The following ARL8B variants were observed in gnomAD, a reference collection of about 807,000 sequenced individuals.
The protein encoded by ARL8B is ARF like GTPase 8B.
In ARL8B, 9 loss-of-function variants were observed where a neutral mutation model predicts 30.6. The observed-to-expected ratio is 0.29, with a 90% CI of 0.18 to 0.51. The LOEUF (loss-of-function observed/expected upper bound fraction) is 0.51, where lower values mean the gene tolerates loss of function less well. Among genes scored for constraint, ARL8B ranks in the 20% least tolerant of loss-of-function variants. The pLI is 0.97. For missense variants in ARL8B, 130 were observed against 227.2 expected (o/e 0.57, Z 2.75); for synonymous variants, 74 against 76.0 (o/e 0.97, Z 0.14).
chr3:5,122,860 G>A (rs2054194912), intron 1 of ARL8B, among the ~76,000 whole-genome samples: 2 of 152,250 alleles, frequency 1.3e-5, no homozygotes, highest in South Asian at 2.1e-4. Flanking sequence ...GGCTCGGAAA[G>A]AGTTAAATTG....
chr3:5,131,651 A>G (rs2054284985), intron 1 of ARL8B, among the ~76,000 whole-genome samples: 1 of 152,154 alleles, frequency 6.6e-6, no homozygotes, highest in South Asian at 2.1e-4. Context: ...TCGGCCTCCC[A>G]AAGTGCTGGG....
chr3:5,122,804 A>G (rs980366125), intron 1 of ARL8B, among the ~76,000 whole-genome samples: 1 of 152,224 alleles, frequency 6.6e-6, no homozygotes, highest in African/African-American at 2.4e-5. Flanking sequence ...GGAAGGGTTA[A>G]GTCAGTGTAG....
At chr3:5,145,277 C>T (rs559538395) in intron 1 of ARL8B, among the ~76,000 whole-genome samples, 66 of 152,226 alleles carry the variant, frequency 4.3e-4, no homozygotes, top group African/African-American at 1.3e-3. Flanking sequence ...TTTGTTGTTA[C>T]GACCAAATCT....
intron 1 of ARL8B, among the ~76,000 whole-genome samples, chr3:5,125,831 C>T (rs2054226046): frequency 6.6e-6 from 1 of 152,120 alleles, no homozygotes; most frequent in African/African-American, 2.4e-5. Context: ...CTGTGCCCAG[C>T]CCACTGTTAT....
intron 1 of ARL8B, among the ~76,000 whole-genome samples, chr3:5,142,125 C>T (rs910418638): frequency 2.0e-5 from 3 of 152,136 alleles, no homozygotes; most frequent in African/African-American, 7.2e-5. Flanking sequence ...GACTAAAGCA[C>T]AAGTCCCGGT....
chr3:5,172,703 A>T lies in ARL8B; in HGVS notation c.335A>T (p.His112Leu). 1 of 1,612,210 alleles carries T rather than the reference A, an allele frequency of 6.2e-7. No homozygotes were observed. The highest frequency in any genetic ancestry group is 8.5e-7 in the Non-Finnish European group (1 of 1,178,862). The change falls in exon 4 of 7, where the codon CAT becomes CTT. Residue 112 changes from histidine to leucine, a missense_variant. By Grantham distance (99) the His-to-Leu change is moderately conservative. Coordinates refer to ENST00000256496, the MANE Select transcript of ARL8B (RefSeq NM_018184.3). The stretch of plus-strand genomic sequence containing the variant: ...ATAGAAGCTTCCCGAAATGAGCTAC[A>T]TAATCTTCTAGATAAACCACAGTTA... ...EKIEASRNEL[H>L]NLLDKPQLQG...
At chr3:5,167,232 T>C (rs2106569156) in intron 1 of ARL8B, among the ~76,000 whole-genome samples, 1 of 152,300 alleles carries the variant, frequency 6.6e-6, no homozygotes, top group East Asian at 1.9e-4. Flanking sequence ...CCATCTGCCA[T>C]CACAGAATCA....
chr3:5,169,099 TAAAA>T (rs1294189731), intron 1 of ARL8B, among the ~76,000 whole-genome samples: 2 of 152,168 alleles, frequency 1.3e-5, no homozygotes, highest in African/African-American at 4.8e-5. Flanking sequence ...GTAAAATACA[TAAAA>T]CACAAAGTAT....
At chr3:5,166,327 T>TG (rs1485321074) in intron 1 of ARL8B, among the ~76,000 whole-genome samples, 10 of 143,508 alleles carry the variant, frequency 7.0e-5, no homozygotes, top group African/African-American at 2.6e-4. Context: ...TGTGAGCTGC[T>TG]GCGCCTGGCT....
rs1433471465 is a variant in ARL8B, at chr3:5,122,326, G to A, written c.-140G>A. 19 of 1,526,872 alleles carry A rather than the reference G, an allele frequency of 1.2e-5. No individual in the cohort carries two copies. Among genetic ancestry groups the A allele is most frequent in the Non-Finnish European group, 1.6e-5 (18 of 1,138,288 alleles). 94.6% of individuals were successfully genotyped at this position (1,526,872 alleles called of 1,614,324 possible). A position where few individuals can be genotyped will look rare whatever the true frequency, so the allele number is the denominator to read the frequency against. On this transcript the variant is annotated 5_prime_UTR_variant, in exon 1 of 7. Transcript: ENST00000256496. ...GCTCGGCTTCCTGGGTCTGGCTGCT[G>A]CCGCCCGCCGGTGTCCGCCCGTGTC...
At chr3:5,123,857 C>T (rs1179349421) in intron 1 of ARL8B, among the ~76,000 whole-genome samples, 4 of 152,100 alleles carry the variant, frequency 2.6e-5, no homozygotes, top group African/African-American at 9.7e-5. Flanking sequence ...TGTTCGGCTC[C>T]TTTTCTAGTA....
chr3:5,164,108 T>G (rs1031086668), intron 1 of ARL8B, among the ~76,000 whole-genome samples: 3 of 152,192 alleles, frequency 2.0e-5, no homozygotes, highest in African/African-American at 7.2e-5. Flanking sequence ...CCCTATATAT[T>G]AGGTGTTTGA....
intron 1 of ARL8B, among the ~76,000 whole-genome samples, chr3:5,129,135 G>C (rs926642846): frequency 7.9e-5 from 12 of 152,066 alleles, no homozygotes; most frequent in Admixed American, 6.6e-5. Flanking sequence ...TTTCCAGAAA[G>C]TGTACACTCC....
Position 5,123,459 on chromosome 3 carries a change from T to G in ARL8B, c.123+871T>G, listed in dbSNP as rs764844559. ...GAGTAGAAAGGTGATTGTTTCGTTT[T>G]GCTTGTTTGGTTGGTTGGGAAATAA... On this transcript the variant is annotated intron_variant, in intron 1 of 6. Transcript: ENST00000256496. Among the ~76,000 whole-genome samples the G allele has an allele frequency of 2.0e-5, 3 of 152,238 alleles. No homozygotes were observed. The East Asian group carries it at 5.8e-4, about 29-fold the overall frequency.
chr3:5,155,995 T>G (rs1293489022), intron 1 of ARL8B, among the ~76,000 whole-genome samples: 1 of 151,604 alleles, frequency 6.6e-6, no homozygotes, highest in Non-Finnish European at 1.5e-5. Flanking sequence ...CTCCGCCTCC[T>G]AGGTTCAAGT....
intron 1 of ARL8B, among the ~76,000 whole-genome samples, chr3:5,126,594 T>C (rs756774211): frequency 2.2e-4 from 34 of 152,350 alleles, no homozygotes; most frequent in Non-Finnish European, 3.7e-4. Flanking sequence ...GTCTAAAAGA[T>C]AATGCAGCTT....
chr3:5,151,800 C>T (rs916675943), intron 1 of ARL8B, among the ~76,000 whole-genome samples: 2 of 150,482 alleles, frequency 1.3e-5, no homozygotes, highest in Non-Finnish European at 2.9e-5. Flanking sequence ...CTGGCTGCAC[C>T]CTCAACCTCC....
chr3:5,159,354 G>C (rs1158467082), intron 1 of ARL8B, among the ~76,000 whole-genome samples: 1 of 148,652 alleles, frequency 6.7e-6, no homozygotes, highest in Non-Finnish European at 1.5e-5. Flanking sequence ...TGTAATCCCA[G>C]CACTTTGGGA....
intron 1 of ARL8B, among the ~76,000 whole-genome samples, chr3:5,166,569 C>G (rs992469418): frequency 1.3e-4 from 19 of 150,614 alleles, no homozygotes; most frequent in African/African-American, 4.7e-4. Flanking sequence ...AACTCCTGAG[C>G]TCAGGCAATC....
Sources: gnomAD v4.1 joint callset for allele counts (sites outside exome capture counted in the v4.1 genomes callset) on GRCh38, gnomAD v4.1.1 for gene constraint, MANE v1.5 for transcripts, NCBI Gene and HGNC (gene_info 2026-07-23, HGNC 2026-07-21) for gene names.